TMEM45B: variants seen among roughly 807,000 people sequenced by gnomAD.
TMEM45B encodes transmembrane protein 45B.
TMEM45B carries 29 observed loss-of-function variants against 27.3 expected under a neutral mutation model. That is an observed-to-expected ratio of 1.06 (90% confidence interval 0.79 to 1.45). The LOEUF (loss-of-function observed/expected upper bound fraction) is 1.45. TMEM45B is among the 40% of genes most tolerant of loss of function. The probability of loss-of-function intolerance (pLI) is 0.00; values close to 1 mark genes in which losing one functional copy is unlikely to be tolerated. For synonymous variants in TMEM45B, 143 were observed against 134.7 expected (o/e 1.06, Z -0.43); for missense variants, 348 against 343.9 (o/e 1.01, Z -0.09).
intron 1 of TMEM45B, among the ~76,000 whole-genome samples, chr11:129,824,787 A>G (rs1947459154): frequency 6.6e-6 from 1 of 152,242 alleles, no homozygotes. Context: ...AAATCATGGT[A>G]TGTATGAGGT....
intron 1 of TMEM45B, among the ~76,000 whole-genome samples, chr11:129,823,580 C>T (rs2135553972): frequency 6.6e-6 from 1 of 152,282 alleles, no homozygotes; most frequent in Non-Finnish European, 1.5e-5. Flanking sequence ...TAAACTAGCC[C>T]TTCCTACCTG....
intron 5 of TMEM45B, 76 bp downstream of exon 5, chr11:129,857,534 T>C: frequency 6.4e-7 from 1 of 1,561,812 alleles, no homozygotes; most frequent in East Asian, 2.3e-5. Context: ...CACCATCTGA[T>C]GAGTGCCGAC....
At chr11:129,842,043 A>G (rs566312566) in intron 1 of TMEM45B, among the ~76,000 whole-genome samples, 1 of 152,260 alleles carries the variant, frequency 6.6e-6, no homozygotes, top group Non-Finnish European at 1.5e-5. Context: ...TTTCGAATTC[A>G]CTAGATGGGC....
intron 1 of TMEM45B, among the ~76,000 whole-genome samples, chr11:129,850,022 C>T (rs115149401): frequency 0.027 from 4,148 of 152,186 alleles, 170 homozygotes; most frequent in African/African-American, 0.096. Context: ...TGGCCATACC[C>T]GTGGTTTTCT....
chr11:129,859,984 G>A lies in TMEM45B; in HGVS notation c.*1299G>A, dbSNP rs1024837216. On this transcript the variant is annotated 3_prime_UTR_variant, in exon 6 of 6. Coordinates refer to ENST00000281441, the MANE Select transcript of TMEM45B (RefSeq NM_138788.5). ...ACATCCAGTGTGATGGGTGCTGAGA[G>A]GCAAGTACAAACCACGATGAGAAAA... is the stretch of plus-strand genomic sequence containing the variant. 2.0e-5 allele frequency: 3 copies of A among 152,522 alleles called. No individual in the cohort carries two copies. Among genetic ancestry groups the A allele is most frequent in the Non-Finnish European group, 4.4e-5 (3 of 68,062 alleles). The allele number at this position is 152,522 out of a possible 1,614,324, so 9.4% of individuals were successfully genotyped here.
chr11:129,851,543 C>CAAAGAAAAAAAAAA (rs1947846429), intron 1 of TMEM45B, among the ~76,000 whole-genome samples: 2 of 54,970 alleles, frequency 3.6e-5, no homozygotes, highest in African/African-American at 7.0e-5. Flanking sequence ...AACTCTGCCT[C>CAAAGAAAAAAAAAA]AAAAAAAAAA....
chr11:129,841,779 G>T (rs919949629), intron 1 of TMEM45B, among the ~76,000 whole-genome samples: 33 of 151,928 alleles, frequency 2.2e-4, no homozygotes, highest in Non-Finnish European at 2.9e-5. Context: ...TGTATTTTTA[G>T]TAGAGATGGG....
At position 129,855,883 on chromosome 11, in the gene TMEM45B, GTTCTGGC is replaced by G; in HGVS notation, c.562_568del (p.Phe188ArgfsTer52). The G allele has an allele frequency of 2.5e-6, 4 of 1,614,064 alleles. No homozygotes were observed. In the South Asian group the frequency reaches 4.4e-5, roughly 18 times the overall value. ...GTCTCATCATTCTTCAGGGAACCTG[GTTCTGGC>G]AGGTGATTTTCCACACCCAGGCCCC... On this transcript the variant is annotated frameshift_variant and splice_region_variant, in exon 4 of 6. Coordinates refer to ENST00000281441, the MANE Select transcript of TMEM45B (RefSeq NM_138788.5). LOFTEE classifies it high-confidence loss of function.
At chr11:129,830,799 G>A (rs940848323) in intron 1 of TMEM45B, among the ~76,000 whole-genome samples, 1 of 152,212 alleles carries the variant, frequency 6.6e-6, no homozygotes. Context: ...GACATAACAA[G>A]TGTTGGCAAA....
At position 129,815,876 on chromosome 11, in the gene TMEM45B, C is replaced by A; in HGVS notation, c.-31C>A. 1 of 1,304,176 alleles carries A rather than the reference C, an allele frequency of 7.7e-7. No homozygotes were observed. The highest frequency in any genetic ancestry group is 9.7e-7 in the Non-Finnish European group (1 of 1,034,402). The allele number at this position is 1,304,176 out of a possible 1,614,324, so 80.8% of individuals were successfully genotyped here. On this transcript the variant is annotated 5_prime_UTR_variant, in exon 1 of 6. Coordinates refer to ENST00000281441, the MANE Select transcript of TMEM45B (RefSeq NM_138788.5). ...CTTGGCGCGCGGCGCGGGCTGCAGACGGCTGCGAGGCGCTGGGCACAGGTC... is the reference window on the plus strand; with the variant it reads ...CTTGGCGCGCGGCGCGGGCTGCAGAAGGCTGCGAGGCGCTGGGCACAGGTC...
intron 1 of TMEM45B, among the ~76,000 whole-genome samples, chr11:129,824,417 C>A (rs1415296026): frequency 6.6e-6 from 1 of 152,088 alleles, no homozygotes; most frequent in Non-Finnish European, 1.5e-5. Flanking sequence ...AATTGATACT[C>A]CAGGATTATG....
chr11:129,850,165 A>ATGTTGTTGT (rs55956143), intron 1 of TMEM45B, among the ~76,000 whole-genome samples: 24,800 of 138,928 alleles, frequency 0.18, 2,146 homozygotes, highest in South Asian at 0.3. Context: ...TTTTTTGTTG[A>ATGTTGTTGT]TGTTGTTGTT....
In TMEM45B at chr11:129,852,570, T is replaced by G. The variant is rs1232691055; in HGVS notation, c.88T>G (p.Phe30Val). The G allele has an allele frequency of 6.2e-7, 1 of 1,614,008 alleles. No homozygotes were observed. The highest frequency in any genetic ancestry group is 8.5e-7 in the Non-Finnish European group (1 of 1,179,902). The change falls in exon 2 of 6, where the codon TTT becomes GTT. Residue 30 changes from phenylalanine (F) to valine (V), a missense_variant. Physicochemically the swap from Phe to Val is conservative, Grantham distance 50. Coordinates refer to ENST00000281441, the MANE Select transcript of TMEM45B (RefSeq NM_138788.5). ...GTCAGTGAAGTACCCGCTGAAGTAC[T>G]TTAGCCACACGCGGAAGAACAGCCC... is the stretch of plus-strand genomic sequence containing the variant. ...CWSVKYPLKYFSHTRKNSPLH... is the reference protein window; with the variant it reads ...CWSVKYPLKYVSHTRKNSPLH...
At chr11:129,854,160 C>T (rs1947888057) in intron 2 of TMEM45B, among the ~76,000 whole-genome samples, 1 of 152,226 alleles carries the variant, frequency 6.6e-6, no homozygotes, top group African/African-American at 2.4e-5. Context: ...GTACAGGTAT[C>T]TTCATTACCA....
intron 4 of TMEM45B, among the ~76,000 whole-genome samples, chr11:129,856,626 C>G (rs1947930710): frequency 7.7e-6 from 1 of 130,580 alleles, no homozygotes; most frequent in South Asian, 2.5e-4. Flanking sequence ...GTGGCGCAAT[C>G]TTGGCTCACT....
At chr11:129,842,455 A>G (rs1947707978) in intron 1 of TMEM45B, among the ~76,000 whole-genome samples, 1 of 152,254 alleles carries the variant, frequency 6.6e-6, no homozygotes, top group African/African-American at 2.4e-5. Context: ...ACATAGAGCA[A>G]TGGAACAGAA....
chr11:129,833,846 G>A (rs1003590798), intron 1 of TMEM45B, among the ~76,000 whole-genome samples: 8 of 152,322 alleles, frequency 5.3e-5, no homozygotes, highest in East Asian at 3.9e-4. Flanking sequence ...GGCAAAGGCG[G>A]TCATCTGCAA....
At chr11:129,823,874 T>G (rs890554894) in intron 1 of TMEM45B, among the ~76,000 whole-genome samples, 10 of 152,182 alleles carry the variant, frequency 6.6e-5, no homozygotes, top group African/African-American at 2.4e-4. Context: ...GTTCCATCCC[T>G]TGACTGTAGT....
intron 1 of TMEM45B, among the ~76,000 whole-genome samples, chr11:129,842,643 A>G (rs1591444375): frequency 6.6e-6 from 1 of 152,232 alleles, no homozygotes; most frequent in East Asian, 1.9e-4. Flanking sequence ...ACAAAAATCA[A>G]CTAAAGGTGG....
Sources: gnomAD v4.1 joint callset for allele counts (sites outside exome capture counted in the v4.1 genomes callset) on GRCh38, gnomAD v4.1.1 for gene constraint, MANE v1.5 for transcripts, NCBI Gene and HGNC (gene_info 2026-07-23, HGNC 2026-07-21) for gene names.